Variants in TAX1BP1 observed in about 807,000 individuals in gnomAD.
TAX1BP1 encodes tax1-binding protein 1.
TAX1BP1 carries 62 observed loss-of-function variants against 97.7 expected under a neutral mutation model. That is an observed-to-expected ratio of 0.63 (90% confidence interval 0.52 to 0.78). The LOEUF is 0.78. TAX1BP1 is among the 30% of genes least tolerant of loss of function. The pLI is 0.00. For synonymous variants in TAX1BP1, 340 were observed against 304.2 expected (o/e 1.12, Z -1.23); for missense variants, 867 against 916.1 (o/e 0.95, Z 0.69).
chr7:27,747,011 C>T (rs544079407), intron 1 of TAX1BP1, among the ~76,000 whole-genome samples: 1 of 152,328 alleles, frequency 6.6e-6, no homozygotes, highest in African/African-American at 2.4e-5. Flanking sequence ...AATAAGCCTT[C>T]TTACTAATGG....
chr7:27,826,956 A>G (rs1414937243), intron 15 of TAX1BP1, among the ~76,000 whole-genome samples: 1 of 152,218 alleles, frequency 6.6e-6, no homozygotes, highest in East Asian at 1.9e-4. Context: ...TGATTTCTGT[A>G]TATCATGCAA....
At chr7:27,742,646 T>G (rs1787666357) in intron 1 of TAX1BP1, among the ~76,000 whole-genome samples, 1 of 152,180 alleles carries the variant, frequency 6.6e-6, no homozygotes, top group African/African-American at 2.4e-5. Flanking sequence ...TTTTGTATTT[T>G]TAGTAGAGAC....
chr7:27,787,648 T>C (rs777411597), intron 8 of TAX1BP1, 45 bp downstream of exon 8: 9 of 1,463,350 alleles, frequency 6.2e-6, no homozygotes, highest in African/African-American at 4.3e-5. Context: ...AAAACATACC[T>C]ATGAAATGTA....
intron 13 of TAX1BP1, among the ~76,000 whole-genome samples, chr7:27,801,507 A>G (rs1041008944): frequency 6.6e-6 from 1 of 152,168 alleles, no homozygotes; most frequent in Non-Finnish European, 1.5e-5. Flanking sequence ...CATATTGACT[A>G]GGAAAATGGT....
chr7:27,806,430 T>G (rs565752244), intron 13 of TAX1BP1, among the ~76,000 whole-genome samples: 34 of 152,228 alleles, frequency 2.2e-4, no homozygotes, highest in African/African-American at 7.9e-4. Context: ...GAATTTATTC[T>G]TGGATATCAC....
chr7:27,749,174 T>G (rs142892494), intron 2 of TAX1BP1, among the ~76,000 whole-genome samples: 9 of 152,360 alleles, frequency 5.9e-5, no homozygotes, highest in African/African-American at 1.4e-4. Flanking sequence ...CATGACTGAA[T>G]AGTAAACTCT....
At chr7:27,766,462 A>G (rs1344399549) in intron 4 of TAX1BP1, among the ~76,000 whole-genome samples, 1 of 133,716 alleles carries the variant, frequency 7.5e-6, no homozygotes, top group Non-Finnish European at 1.6e-5. Context: ...AAAAAAAAAA[A>G]AAATCGAATG....
chr7:27,828,854 A>G lies in TAX1BP1; in HGVS notation c.*25A>G, dbSNP rs1423820699. 5 of 1,008,608 alleles carry G rather than the reference A, an allele frequency of 5.0e-6. No individual in the cohort carries two copies. In the Admixed American group the frequency reaches 9.2e-5, roughly 19 times the overall value. The allele number at this position is 1,008,608 out of a possible 1,614,324, so 62.5% of individuals were successfully genotyped here. ...GTTACTTTTTATTATGAGTTAATAT[A>G]GTTTAGCAGTAAAAAAAAAAAAAAA... On this transcript the variant is annotated 3_prime_UTR_variant, in exon 17 of 17. Transcript: ENST00000396319.
At chr7:27,777,607 G>GA (rs1306235955) in intron 5 of TAX1BP1, among the ~76,000 whole-genome samples, 7 of 152,132 alleles carry the variant, frequency 4.6e-5, no homozygotes, top group African/African-American at 1.7e-4. Context: ...CTCAAGACTT[G>GA]AGGGGGACTC....
At chr7:27,752,668 T>C (rs1229188417) in intron 2 of TAX1BP1, among the ~76,000 whole-genome samples, 1 of 152,216 alleles carries the variant, frequency 6.6e-6, no homozygotes, top group Non-Finnish European at 1.5e-5. Flanking sequence ...TCACTCCCTC[T>C]GAAGTATTGA....
At chr7:27,747,645 A>G (rs1252729826) in intron 1 of TAX1BP1, among the ~76,000 whole-genome samples, 1 of 152,124 alleles carries the variant, frequency 6.6e-6, no homozygotes, top group African/African-American at 2.4e-5. Flanking sequence ...AGAGATTTGA[A>G]CAAGCTTGTA....
chr7:27,806,924 C>T (rs1790362273), intron 13 of TAX1BP1, among the ~76,000 whole-genome samples: 1 of 152,052 alleles, frequency 6.6e-6, no homozygotes, highest in Non-Finnish European at 1.5e-5. Context: ...TGTTTTGTGT[C>T]TTTCAGGAAT....
At chr7:27,787,747 A>G in intron 8 of TAX1BP1, 144 bp downstream of exon 8, 2 of 715,558 alleles carry the variant, frequency 2.8e-6, no homozygotes, top group Non-Finnish European at 2.2e-6. Context: ...AGAACAATGA[A>G]TACTGATGTA....
chr7:27,767,162 A>G (rs923705751), intron 4 of TAX1BP1, among the ~76,000 whole-genome samples: 1 of 152,128 alleles, frequency 6.6e-6, no homozygotes, highest in Non-Finnish European at 1.5e-5. Flanking sequence ...GTTATATTTG[A>G]GTTATTGTGA....
At chr7:27,775,562 G>A (rs1453791828) in intron 5 of TAX1BP1, among the ~76,000 whole-genome samples, 1 of 151,946 alleles carries the variant, frequency 6.6e-6, no homozygotes, top group East Asian at 1.9e-4. Context: ...TGTTTAGGAT[G>A]AGACACAAGA....
At chr7:27,796,970 A>C (rs1789956469) in intron 12 of TAX1BP1, among the ~76,000 whole-genome samples, 1 of 151,844 alleles carries the variant, frequency 6.6e-6, no homozygotes, top group Non-Finnish European at 1.5e-5. Context: ...ATTGTCTCTT[A>C]CGGTGTTTAT....
chr7:27,748,659 TC>T lies in TAX1BP1; in HGVS notation c.137del (p.Pro46GlnfsTer40). ...YTLTPYIHPH[P>X]KDWVGIFKVG... ...CCTTAACTCCATATATTCATCCACATCCAAAAGATTGGGTTGGTATATTCAA... is the reference window on the plus strand; with the variant it reads ...CCTTAACTCCATATATTCATCCACATCAAAAGATTGGGTTGGTATATTCAA... On this transcript the variant is annotated frameshift_variant, in exon 2 of 17. Coordinates refer to ENST00000396319, the MANE Select transcript of TAX1BP1 (RefSeq NM_006024.7). LOFTEE classifies it high-confidence loss of function. 2 of 1,560,382 alleles carry T rather than the reference TC, an allele frequency of 1.3e-6. No individual in the cohort carries two copies. Among genetic ancestry groups the T allele is most frequent in the Non-Finnish European group, 1.7e-6 (2 of 1,149,058 alleles).
chr7:27,777,087 C>T (rs777800571), intron 5 of TAX1BP1, among the ~76,000 whole-genome samples: 17 of 151,964 alleles, frequency 1.1e-4, no homozygotes, highest in East Asian at 9.6e-4. Context: ...TTTAAATGTC[C>T]GTTCATTAAC....
chr7:27,795,536 A>G (rs1347031173), intron 11 of TAX1BP1, among the ~76,000 whole-genome samples: 2 of 151,246 alleles, frequency 1.3e-5, no homozygotes, highest in Non-Finnish European at 3.0e-5. Context: ...CTGTTATGGA[A>G]CTCTTTTTAG....
Sources: allele counts gnomAD v4.1 joint callset (sites outside exome capture counted in the v4.1 genomes callset), GRCh38; gene constraint gnomAD v4.1.1; transcripts MANE v1.5; gene names NCBI Gene and HGNC (gene_info 2026-07-23, HGNC 2026-07-21).